Variants in PPP4R4 observed in about 807,000 individuals in gnomAD.
The protein encoded by PPP4R4 is serine/threonine-protein phosphatase 4 regulatory subunit 4.
In PPP4R4, 70 loss-of-function variants were observed where a neutral mutation model predicts 121.8. The ratio of observed to expected loss-of-function variants is 0.57; its 90% CI spans 0.47 to 0.70. PPP4R4 has a LOEUF of 0.70. Among genes scored for constraint, PPP4R4 ranks in the 30% least tolerant of loss-of-function variants. The pLI is 0.00. For missense variants in PPP4R4, 875 were observed against 1,033.6 expected (o/e 0.85, Z 2.10); for synonymous variants, 348 against 355.7 (o/e 0.98, Z 0.24).
Position 94,275,519 on chromosome 14 carries a change from C to T in PPP4R4, c.2595C>T (p.Thr865=), listed in dbSNP as rs754052858. Residue 865 remains threonine (T), a splice_region_variant and synonymous_variant, in exon 24 of 25, where the codon ACC becomes ACT. Transcript: ENST00000304338. ...AAGATACACAACCACGGAAGGCTAC[C>T]TTGTAAGTAATCAAGTGATGTCAGA... ...GSKDTQPRKA[T]LKSRKSNP The T allele has an allele frequency of 1.9e-6, 3 of 1,613,900 alleles. No homozygotes were observed. The highest frequency in any genetic ancestry group is 2.2e-5 in the South Asian group (2 of 91,056).
In PPP4R4 at chr14:94,278,511, T is replaced by A. The variant is rs1894762575; in HGVS notation, c.2598-108T>A. ...AGTATCTATATATTTTTAATTTACT[T>A]TGTACACATTATATGAATAACATTT... On this transcript the variant is annotated intron_variant, in intron 24 of 24. Transcript: ENST00000304338. 7 of 572,112 alleles carry A rather than the reference T, an allele frequency of 1.2e-5. No individual in the cohort carries two copies. The South Asian group carries it at 2.2e-4, about 18-fold the overall frequency. 35.4% of individuals were successfully genotyped at this position (572,112 alleles called of 1,614,324 possible).
At chr14:94,202,254 G>A (rs925430195) in intron 2 of PPP4R4, among the ~76,000 whole-genome samples, 1 of 151,976 alleles carries the variant, frequency 6.6e-6, no homozygotes, top group African/African-American at 2.4e-5. Context: ...CACCGCTGAA[G>A]AACTTATTCA....
chr14:94,232,387 GA>G (rs1892085181), intron 5 of PPP4R4, among the ~76,000 whole-genome samples: 1 of 152,076 alleles, frequency 6.6e-6, no homozygotes, highest in Admixed American at 6.6e-5. Context: ...ATACTGGCTT[GA>G]AAATGGGAAG....
Position 94,174,510 on chromosome 14 carries a change from C to T in PPP4R4, c.45C>T (p.Asn15=), listed in dbSNP as rs199932948. ...CCGCCGCGATGGATTTCAGTCAGAA[C>T]AGCCTGTTCGGTTACATGGAGGACC... ...PPAAAMDFSQ[N]SLFGYMEDLQ... Residue 15 remains asparagine, a synonymous_variant, in exon 1 of 25, where the codon AAC becomes AAT. Coordinates refer to ENST00000304338, the MANE Select transcript of PPP4R4 (RefSeq NM_058237.2). 10 of 1,612,208 alleles carry T rather than the reference C, an allele frequency of 6.2e-6. No homozygotes were observed. Among genetic ancestry groups the T allele is most frequent in the Non-Finnish European group, 8.5e-6 (10 of 1,179,164 alleles).
intron 15 of PPP4R4, among the ~76,000 whole-genome samples, chr14:94,251,196 AATT>A (rs1241518024): frequency 1.3e-5 from 2 of 152,142 alleles, no homozygotes; most frequent in Admixed American, 1.3e-4. Context: ...TATTGACCTG[AATT>A]ATTGTCAGTA....
chr14:94,252,602 C>T (rs992502781), intron 16 of PPP4R4, among the ~76,000 whole-genome samples: 2 of 151,968 alleles, frequency 1.3e-5, no homozygotes, highest in Non-Finnish European at 2.9e-5. Flanking sequence ...TTATTAAGAG[C>T]TATTTTTGTA....
rs148123967 is a variant in PPP4R4, at chr14:94,204,565, C to T, written c.192-3899C>T. On this transcript the variant is annotated intron_variant, in intron 2 of 24. Coordinates refer to ENST00000304338, the MANE Select transcript of PPP4R4 (RefSeq NM_058237.2). ...TTTTCAAAATTGTTTCAGCTATGCT[C>T]ATTCCTTTGGTTTTTCATACAAATT... 1.7e-3 allele frequency among the ~76,000 whole-genome samples: 255 copies of T among 152,236 alleles called. 2 individuals are homozygous for T. Among genetic ancestry groups the T allele is most frequent in the African/African-American group, 5.7e-3 (238 of 41,542 alleles).
At chr14:94,210,676 G>T (rs1021409406) in intron 3 of PPP4R4, among the ~76,000 whole-genome samples, 2 of 152,150 alleles carry the variant, frequency 1.3e-5, no homozygotes, top group East Asian at 3.9e-4. Flanking sequence ...GGAAGGTCTA[G>T]TGACCATGGA....
rs777144281 is a variant in PPP4R4, at chr14:94,256,543, T to C, written c.1949T>C (p.Met650Thr). 5.0e-6 allele frequency: 8 copies of C among 1,603,834 alleles called. No homozygotes were observed. Among genetic ancestry groups the C allele is most frequent in the Non-Finnish European group, 6.8e-6 (8 of 1,171,330 alleles). ...AAGCATCTACTTCAGCAGTTAGAAA[T>C]GTGTGTGAGGAAACTCCTGTGTCAA... ...ADKHLLQQLE[M>T]CVRKLLCQEK... The change falls in exon 17 of 25, where the codon ATG becomes ACG. Residue 650 changes from methionine (M) to threonine (T), a missense_variant. Transcript: ENST00000304338.
chr14:94,241,427 C>A (rs1216573815), intron 9 of PPP4R4, among the ~76,000 whole-genome samples: 1 of 152,032 alleles, frequency 6.6e-6, no homozygotes. Context: ...TCTTTTCTGT[C>A]AGCAATTTTA....
intron 2 of PPP4R4, among the ~76,000 whole-genome samples, chr14:94,185,348 A>C (rs1034090655): frequency 6.6e-6 from 1 of 152,090 alleles, no homozygotes; most frequent in South Asian, 2.1e-4. Flanking sequence ...TCTACAAAAA[A>C]ATTTAAGAAA....
rs1219637028 is a variant in PPP4R4 at position 94,218,702 on chromosome 14, C to T, written c.294+10136C>T. Among the ~76,000 whole-genome samples, 50 of 133,630 alleles carry T rather than the reference C, an allele frequency of 3.7e-4. 1 individual carries two copies. Among genetic ancestry groups the T allele is most frequent in the Non-Finnish European group, 3.2e-4 (20 of 62,156 alleles). 87.7% of individuals were successfully genotyped at this position (133,630 alleles called of 152,430 possible). A position where few individuals can be genotyped will look rare whatever the true frequency, so the allele number is the denominator to read the frequency against. On this transcript the variant is annotated intron_variant, in intron 3 of 24. Coordinates refer to ENST00000304338, the MANE Select transcript of PPP4R4 (RefSeq NM_058237.2). ...CACCCCTAGACACTGCACGCGCGCG[C>T]GCGCACACACCCTCACCCCTAGACA... is the stretch of plus-strand genomic sequence containing the variant.
rs1433613287 is a variant in PPP4R4, at chr14:94,237,559, G to T, written c.732-6G>T. 3 of 1,608,468 alleles carry T rather than the reference G, an allele frequency of 1.9e-6. No homozygotes were observed. The highest frequency in any genetic ancestry group is 4.5e-5 in the East Asian group (2 of 44,806). Reference sequence around the variant, plus strand: ...GATTTATTTTCTTCTATTGCTTATTGTGCAGGACAGAACTTACAAAAAGTG... The same window carrying T: ...GATTTATTTTCTTCTATTGCTTATTTTGCAGGACAGAACTTACAAAAAGTG... On this transcript the variant is annotated splice_region_variant and splice_polypyrimidine_tract_variant and intron_variant, in intron 7 of 24. Transcript: ENST00000304338.
At chr14:94,218,993 A>G (rs956961706) in intron 3 of PPP4R4, among the ~76,000 whole-genome samples, 1 of 152,074 alleles carries the variant, frequency 6.6e-6, no homozygotes, top group East Asian at 1.9e-4. Context: ...AGCTTTTTAG[A>G]TAAACAGAAA....
intron 5 of PPP4R4, among the ~76,000 whole-genome samples, chr14:94,232,581 G>T (rs182003828): frequency 1.3e-5 from 2 of 152,240 alleles, no homozygotes; most frequent in Admixed American, 1.3e-4. Context: ...AAAGATTTTA[G>T]ATATGTAATT....
chr14:94,192,355 C>T (rs1889647134), intron 2 of PPP4R4, among the ~76,000 whole-genome samples: 1 of 152,096 alleles, frequency 6.6e-6, no homozygotes, highest in Non-Finnish European at 1.5e-5. Context: ...GTCCCTCTAT[C>T]AGTCATCTTT....
chr14:94,213,223 T>G (rs144010374), intron 3 of PPP4R4, among the ~76,000 whole-genome samples: 9 of 152,304 alleles, frequency 5.9e-5, no homozygotes, highest in East Asian at 5.8e-4. Flanking sequence ...GTCCTCACTC[T>G]TTACTACTCA....
At chr14:94,240,989 A>G (rs1892603834) in intron 9 of PPP4R4, among the ~76,000 whole-genome samples, 194 bp downstream of exon 9, 1 of 152,136 alleles carries the variant, frequency 6.6e-6, no homozygotes, top group Non-Finnish European at 1.5e-5. Flanking sequence ...AATAGAACCT[A>G]TTTGAAAGAA....
rs191078099 is a variant in PPP4R4 at position 94,203,596 on chromosome 14, G to T, written c.192-4868G>T. On this transcript the variant is annotated intron_variant, in intron 2 of 24. Transcript: ENST00000304338. ...TGCCCCAGAGTACAATTGCTGGCTT[G>T]TATGGTGTTGCATATTTAATATTTT... 1.2e-3 allele frequency among the ~76,000 whole-genome samples: 188 copies of T among 152,258 alleles called. 1 individual carries two copies. The highest frequency in any genetic ancestry group is 1.2e-4 in the Non-Finnish European group (8 of 68,022).
Sources: allele counts gnomAD v4.1 joint callset (sites outside exome capture counted in the v4.1 genomes callset), GRCh38; gene constraint gnomAD v4.1.1; transcripts MANE v1.5; gene names NCBI Gene and HGNC (gene_info 2026-07-23, HGNC 2026-07-21).